The following LDB2 variants were observed in gnomAD, a reference collection of about 807,000 sequenced individuals.
LDB2 encodes the protein LIM domain binding 2.
A neutral mutation model predicts 44.3 loss-of-function variants in LDB2; 12 were observed. The observed-to-expected ratio is 0.27, with a 90% CI of 0.17 to 0.44. The LOEUF (loss-of-function observed/expected upper bound fraction) is 0.44, where lower values mean the gene tolerates loss of function less well. LDB2 is among the 20% of genes least tolerant of loss of function. LDB2 has a pLI of 1.00. For missense variants in LDB2, 344 were observed against 473.5 expected, an observed-to-expected ratio of 0.73 and a Z score of 2.54; for synonymous variants, 164 against 174.8, an observed-to-expected ratio of 0.94 and a Z score of 0.49.
At chr4:16,585,110 A>G (rs1175306979) in intron 5 of LDB2, among the ~76,000 whole-genome samples, 3 of 152,142 alleles carry the variant, frequency 2.0e-5, no homozygotes, top group Non-Finnish European at 4.4e-5. Flanking sequence ...TTCATAGACC[A>G]TCACGCCCCA....
At chr4:16,588,891 A>C (rs1578030245) in intron 3 of LDB2, 59 bp from the exon 4 acceptor site, 2 of 1,596,094 alleles carry the variant, frequency 1.3e-6, no homozygotes, top group East Asian at 4.5e-5. Flanking sequence ...CACATTTTGT[A>C]ACTCACATAG....
At chr4:16,807,933 A>C (rs1013066203) in intron 1 of LDB2, among the ~76,000 whole-genome samples, 11 of 152,182 alleles carry the variant, frequency 7.2e-5, no homozygotes, top group African/African-American at 1.7e-4. Flanking sequence ...TTAGAATTTA[A>C]ATATTTAAAT....
At chr4:16,732,829 A>G (rs1477625216) in intron 2 of LDB2, among the ~76,000 whole-genome samples, 1 of 152,208 alleles carries the variant, frequency 6.6e-6, no homozygotes, top group Non-Finnish European at 1.5e-5. Context: ...AACAAAGTGA[A>G]GCCAATGTAA....
intron 2 of LDB2, among the ~76,000 whole-genome samples, chr4:16,655,748 T>G (rs969871605): frequency 6.6e-6 from 1 of 152,158 alleles, no homozygotes; most frequent in Non-Finnish European, 1.5e-5. Flanking sequence ...TAGCCAGTCT[T>G]GGCATGCTCA....
rs561722283 is a variant in LDB2 at position 16,828,392 on chromosome 4, C to T, written c.133-69132G>A. Among the ~76,000 whole-genome samples the T allele has an allele frequency of 3.1e-4, 47 of 152,282 alleles. 1 individual carries two copies. The South Asian group carries it at 6.8e-3, about 22-fold the overall frequency. On this transcript the variant is annotated intron_variant, in intron 1 of 7. Transcript: ENST00000304523. ...TACGCTGTTTCCCTAGTCTTAAATA[C>T]ATTTCCTTCCACCTCCTCCAGTGTG... is the stretch of plus-strand genomic sequence containing the variant.
chr4:16,612,942 G>A (rs375306485), intron 2 of LDB2, among the ~76,000 whole-genome samples: 12 of 152,146 alleles, frequency 7.9e-5, no homozygotes, highest in African/African-American at 1.4e-4. Flanking sequence ...ACATTGATGC[G>A]AAAATCCTCA....
intron 6 of LDB2, among the ~76,000 whole-genome samples, chr4:16,511,051 A>G (rs575694920): frequency 3.9e-5 from 6 of 152,330 alleles, no homozygotes; most frequent in Admixed American, 2.0e-4. Context: ...GGATGTAACT[A>G]TTCTACATAA....
chr4:16,530,073 C>T (rs147016267), intron 5 of LDB2, among the ~76,000 whole-genome samples: 89 of 152,276 alleles, frequency 5.8e-4, no homozygotes, highest in African/African-American at 2.1e-3. Context: ...GATGGAGTCT[C>T]GGTTTCCCAA....
At chr4:16,543,960 T>G (rs1305333974) in intron 5 of LDB2, among the ~76,000 whole-genome samples, 2 of 152,238 alleles carry the variant, frequency 1.3e-5, no homozygotes, top group Non-Finnish European at 2.9e-5. Flanking sequence ...TCTCTTTTTT[T>G]CTTTCCTAAT....
intron 2 of LDB2, among the ~76,000 whole-genome samples, chr4:16,690,518 G>GAA (rs1560892855): frequency 1.3e-4 from 2 of 15,656 alleles, no homozygotes; most frequent in African/African-American, 1.9e-4. Context: ...AGGGAGGGAG[G>GAA]GGGGAGGGAG....
chr4:16,641,283 G>C (rs1233164600), intron 2 of LDB2, among the ~76,000 whole-genome samples: 1 of 152,088 alleles, frequency 6.6e-6, no homozygotes, highest in African/African-American at 2.4e-5. Context: ...ATCTACAAGA[G>C]GAACAGGAAA....
intron 2 of LDB2, among the ~76,000 whole-genome samples, chr4:16,658,169 G>A (rs984521315): frequency 6.6e-6 from 1 of 152,200 alleles, no homozygotes; most frequent in Non-Finnish European, 1.5e-5. Flanking sequence ...GGATGGAAGA[G>A]GTCAGTATGG....
intron 2 of LDB2, among the ~76,000 whole-genome samples, chr4:16,745,899 A>C (rs1055882719): frequency 2.0e-5 from 3 of 151,944 alleles, no homozygotes; most frequent in Non-Finnish European, 2.9e-5. Flanking sequence ...TTGTTGAAAA[A>C]AAAAAAAAAG....
chr4:16,532,787 G>C (rs1205178051), intron 5 of LDB2, among the ~76,000 whole-genome samples: 4 of 152,086 alleles, frequency 2.6e-5, no homozygotes, highest in African/African-American at 9.7e-5. Flanking sequence ...CATCTACTGT[G>C]GTATTAGCAT....
chr4:16,573,078 C>G (rs549900286), intron 5 of LDB2, among the ~76,000 whole-genome samples: 1 of 152,342 alleles, frequency 6.6e-6, no homozygotes, highest in South Asian at 2.1e-4. Context: ...CTTCTAAGAA[C>G]AAGCCAGGCC....
chr4:16,796,415 A>G (rs1776758941), intron 1 of LDB2, among the ~76,000 whole-genome samples: 1 of 152,236 alleles, frequency 6.6e-6, no homozygotes, highest in African/African-American at 2.4e-5. Context: ...AAAAATTTGA[A>G]TAACAAGATA....
rs1470787485 is a variant in LDB2, at chr4:16,538,416, A to C, written c.616-26312T>G. 2.5e-5 allele frequency among the ~76,000 whole-genome samples: 3 copies of C among 122,118 alleles called. No individual in the cohort carries two copies. The East Asian group carries it at 6.0e-4, about 24-fold the overall frequency. 80.1% of individuals were successfully genotyped at this position (122,118 alleles called of 152,430 possible). A position where few individuals can be genotyped will look rare whatever the true frequency, so the allele number is the denominator to read the frequency against. ...AAGGAATCAGAAAAGTCCAACAAGCAAAAAAACAAAAACAAAAACAAAACA... is the reference window on the plus strand; with the variant it reads ...AAGGAATCAGAAAAGTCCAACAAGCCAAAAAACAAAAACAAAAACAAAACA... On this transcript the variant is annotated intron_variant, in intron 5 of 7. Coordinates refer to ENST00000304523, the MANE Select transcript of LDB2 (RefSeq NM_001290.5).
intron 2 of LDB2, among the ~76,000 whole-genome samples, chr4:16,682,881 T>C (rs1417529445): frequency 6.6e-6 from 1 of 152,256 alleles, no homozygotes; most frequent in African/African-American, 2.4e-5. Context: ...GAGGCTTGTC[T>C]TCTGAGCCCC....
chr4:16,573,318 G>T (rs1169080515), intron 5 of LDB2, among the ~76,000 whole-genome samples: 3 of 152,118 alleles, frequency 2.0e-5, no homozygotes, highest in African/African-American at 7.2e-5. Flanking sequence ...CTCAATGCTG[G>T]TCCTTTCCAA....
Sources: gnomAD v4.1 joint callset for allele counts (sites outside exome capture counted in the v4.1 genomes callset) on GRCh38, gnomAD v4.1.1 for gene constraint, MANE v1.5 for transcripts, NCBI Gene and HGNC (gene_info 2026-07-23, HGNC 2026-07-21) for gene names.